Variants in WNT10A observed in about 807,000 individuals in gnomAD.
WNT10A encodes the protein Wnt family member 10A.
WNT10A carries 37 observed loss-of-function variants against 36.1 expected under a neutral mutation model. That is an observed-to-expected ratio of 1.02 (90% CI 0.79 to 1.35). The LOEUF (loss-of-function observed/expected upper bound fraction) is 1.35, where lower values mean the gene tolerates loss of function less well. Among genes scored for constraint, WNT10A ranks in the 40% most tolerant of loss-of-function variants. The pLI, the probability that WNT10A is intolerant of heterozygous loss-of-function variation, is 0.00. For missense variants in WNT10A, 613 were observed against 601.4 expected, an observed-to-expected ratio of 1.02 and a Z score of -0.20; for synonymous variants, 255 against 254.1, an observed-to-expected ratio of 1.00 and a Z score of -0.03.
upstream of WNT10A, chr2:218,880,721 C>T (rs1944500677): frequency 7.4e-6 from 3 of 407,530 alleles, no homozygotes; most frequent in East Asian, 9.4e-5. The surrounding 1 kb of genome is among the most constrained non-coding windows in gnomAD (Gnocchi z 7.7). Context: ...CGGGAGTTGT[C>T]GCGGGGGGGC....
At position 218,892,955 on chromosome 2, in the gene WNT10A, G is replaced by A; in HGVS notation, c.938G>A (p.Gly313Asp). 6.9e-7 allele frequency: 1 copy of A among 1,444,330 alleles called. No homozygotes were observed. Among genetic ancestry groups the A allele is most frequent in the Non-Finnish European group, 9.1e-7 (1 of 1,104,710 alleles). 89.5% of individuals were successfully genotyped at this position (1,444,330 alleles called of 1,614,324 possible). The change falls in exon 4 of 4, where the codon GGC becomes GAC. Residue 313 changes from glycine (G) to aspartate (D), a missense_variant. Physicochemically the swap from Gly to Asp is moderately conservative, Grantham distance 94 (BLOSUM62 -1). Transcript: ENST00000258411. Reference protein sequence around the residue: ...HNRNGGQLEPGPAGAPSPAPG... With the variant: ...HNRNGGQLEPDPAGAPSPAPG... ...CGCAACGGCGGCCAGCTGGAGCCGG[G>A]CCCAGCGGGGGCACCCTCGCCGGCT...
At chr2:218,891,731 GCA>G (rs1944652991) in intron 3 of WNT10A, among the ~76,000 whole-genome samples, 1 of 152,224 alleles carries the variant, frequency 6.6e-6, no homozygotes, top group Non-Finnish European at 1.5e-5. Context: ...GGTGCTGACA[GCA>G]CAGGCTGCGC....
chr2:218,883,188 G>A (rs1421035564), intron 2 of WNT10A, among the ~76,000 whole-genome samples: 1 of 152,128 alleles, frequency 6.6e-6, no homozygotes, highest in East Asian at 1.9e-4. Flanking sequence ...CTCCTGGCCT[G>A]GTATCTCAGG....
chr2:218,890,267 CG>C lies in WNT10A; in HGVS notation c.664del (p.Glu222SerfsTer21). 6.2e-7 allele frequency: 1 copy of C among 1,612,050 alleles called. No homozygotes were observed. The highest frequency in any genetic ancestry group is 1.1e-5 in the South Asian group (1 of 91,082). On this transcript the variant is annotated frameshift_variant, in exon 3 of 4. Transcript: ENST00000258411. LOFTEE classifies it high-confidence loss of function. ...WGGCSPDMGF[G>X]ERFSKDFLDS... ...GCGGCTGCAGCCCCGACATGGGCTTCGGGGAGCGCTTTTCTAAGGACTTTCT... is the reference window on the plus strand; with the variant it reads ...GCGGCTGCAGCCCCGACATGGGCTTCGGGAGCGCTTTTCTAAGGACTTTCT...
chr2:218,890,699 C>T (rs1288439200), intron 3 of WNT10A, among the ~76,000 whole-genome samples: 1 of 152,136 alleles, frequency 6.6e-6, no homozygotes, highest in African/African-American at 2.4e-5. Context: ...CTGGAGCTCC[C>T]ATCTGACTCC....
chr2:218,891,883 G>A (rs1240279121), intron 3 of WNT10A, among the ~76,000 whole-genome samples: 1 of 152,178 alleles, frequency 6.6e-6, no homozygotes, highest in African/African-American at 2.4e-5. Context: ...GAAAGGAGGG[G>A]ATGTGGCCAA....
At chr2:218,874,843 G>A in the WNT10A span, among the ~76,000 whole-genome samples, 3 of 152,138 alleles carry the variant, frequency 2.0e-5, no homozygotes, top group Admixed American at 1.3e-4. Flanking sequence ...AAGGGATTTC[G>A]CTCTGTTTCA....
chr2:218,892,231 G>A (rs1216674578), intron 3 of WNT10A, among the ~76,000 whole-genome samples: 4 of 151,744 alleles, frequency 2.6e-5, no homozygotes, highest in Non-Finnish European at 4.4e-5. Flanking sequence ...TGTAGGGGGA[G>A]CTGGAGAGGG....
rs1186983054 is a variant in WNT10A at position 218,893,179 on chromosome 2, C to T, written c.1162C>T (p.Arg388Cys). Residue 388 changes from arginine (R) to cysteine (C), a missense_variant, in exon 4 of 4, where the codon CGC (arginine) becomes TGC (cysteine). Coordinates refer to ENST00000258411, the MANE Select transcript of WNT10A (RefSeq NM_025216.3). The surrounding 1 kb of genome is among the most constrained non-coding windows in gnomAD (Gnocchi z 6.3). ...CGGCCACAACATCCTGCGCCAGACG[C>T]GCAGCGAGCGCTGCCACTGCCGCTT... is the stretch of plus-strand genomic sequence containing the variant. ...GRGHNILRQTRSERCHCRFHW... is the reference protein window; with the variant it reads ...GRGHNILRQTCSERCHCRFHW... 5.7e-6 allele frequency: 9 copies of T among 1,581,058 alleles called. No individual in the cohort carries two copies. Among genetic ancestry groups the T allele is most frequent in the Middle Eastern group, 1.7e-4 (1 of 5,796 alleles).
chr2:218,888,383 G>A (rs1238142322), intron 2 of WNT10A, among the ~76,000 whole-genome samples: 1 of 152,254 alleles, frequency 6.6e-6, no homozygotes, highest in Non-Finnish European at 1.5e-5. Context: ...CACCAAGAAG[G>A]AAGGCAGTGT....
In WNT10A at chr2:218,882,366, T is replaced by A. The variant is rs377510918; in HGVS notation, c.319T>A (p.Cys107Ser). 2.5e-6 allele frequency: 4 copies of A among 1,614,052 alleles called. No homozygotes were observed. Among genetic ancestry groups the A allele is most frequent in the Non-Finnish European group, 3.4e-6 (4 of 1,180,016 alleles). Residue 107 changes from cysteine (C) to serine (S), a missense_variant, in exon 2 of 4, where the codon TGC (cysteine) becomes AGC (serine). Transcript: ENST00000258411. ...CCAATTCAGGGACCAGCGCTGGAAC[T>A]GCTCAAGCCTGGAGACTCGCAACAA... is the stretch of plus-strand genomic sequence containing the variant. ...QHQFRDQRWN[C>S]SSLETRNKIP...
rs1269832352 is a variant in WNT10A, at chr2:218,888,020, A to T, written c.377-1964A>T. ...AAACTGGTTTCAGGAATTAGTTCTT[A>T]ACTACTAAACAGCTTGTTCTGTTTC... On this transcript the variant is annotated intron_variant, in intron 2 of 3. Coordinates refer to ENST00000258411, the MANE Select transcript of WNT10A (RefSeq NM_025216.3). Among the ~76,000 whole-genome samples the T allele has an allele frequency of 2.0e-5, 3 of 152,334 alleles. No individual in the cohort carries two copies. In the East Asian group the frequency reaches 5.8e-4, roughly 29 times the overall value.
upstream of WNT10A, among the ~76,000 whole-genome samples, chr2:218,877,207 G>A (rs1236308135): frequency 1.3e-5 from 2 of 152,230 alleles, no homozygotes; most frequent in African/African-American, 2.4e-5. The surrounding 1 kb of genome is among the most constrained non-coding windows in gnomAD (Gnocchi z 4.1). Flanking sequence ...GGTCAAGTCA[G>A]TTAACCTATC....
rs1198581727 is a variant in WNT10A at position 218,890,263 on chromosome 2, G to A, written c.656G>A (p.Gly219Asp). Reference sequence around the variant, plus strand: ...TGGGGCGGCTGCAGCCCCGACATGGGCTTCGGGGAGCGCTTTTCTAAGGAC... The same window carrying A: ...TGGGGCGGCTGCAGCCCCGACATGGACTTCGGGGAGCGCTTTTCTAAGGAC... ...WEWGGCSPDM[G>D]FGERFSKDFL... Residue 219 changes from glycine (G) to aspartate (D), a missense_variant, in exon 3 of 4, where the codon GGC becomes GAC. Physicochemically the swap from Gly to Asp is moderately conservative, Grantham distance 94. Coordinates refer to ENST00000258411, the MANE Select transcript of WNT10A (RefSeq NM_025216.3). The A allele has an allele frequency of 2.5e-6, 4 of 1,612,316 alleles. No individual in the cohort carries two copies. Among genetic ancestry groups the A allele is most frequent in the East Asian group, 4.5e-5 (2 of 44,880 alleles).
chr2:218,892,720 G>A, intron 3 of WNT10A, 54 bp from the exon 4 acceptor site: 1 of 1,549,466 alleles, frequency 6.5e-7, no homozygotes, highest in Non-Finnish European at 8.7e-7. Context: ...CTAAGCGCTG[G>A]GAGGGGAGTG....
chr2:218,885,751 G>A (rs1944570536), intron 2 of WNT10A, among the ~76,000 whole-genome samples: 1 of 152,166 alleles, frequency 6.6e-6, no homozygotes, highest in Non-Finnish European at 1.5e-5. Context: ...TATCCTCTTG[G>A]TTTTATGCCT....
rs758769542 is a variant in WNT10A, at chr2:218,882,167, A to C, written c.120A>C (p.Ala40=). 1.2e-6 allele frequency: 2 copies of C among 1,613,960 alleles called. No homozygotes were observed. The highest frequency in any genetic ancestry group is 1.7e-6 in the Non-Finnish European group (2 of 1,179,946). Reference sequence around the variant, plus strand: ...CCACCCCATATGTCTGCAGGTCAGCACCCAATGACATTCTGGACCTCCGCC... The same window carrying C: ...CCACCCCATATGTCTGCAGGTCAGCCCCCAATGACATTCTGGACCTCCGCC... ...LLLAAAMPRS[A]PNDILDLRLP... The change falls in exon 2 of 4, where the codon GCA becomes GCC. Residue 40 remains alanine (A), a synonymous_variant. Coordinates refer to ENST00000258411, the MANE Select transcript of WNT10A (RefSeq NM_025216.3).
chr2:218,885,470 G>T (rs895811615), intron 2 of WNT10A, among the ~76,000 whole-genome samples: 11 of 152,210 alleles, frequency 7.2e-5, no homozygotes, highest in African/African-American at 2.4e-4. Context: ...GCTGCTGGGA[G>T]CTGGGCTCAG....
At chr2:218,877,764 C>G (rs917957148), upstream of WNT10A, among the ~76,000 whole-genome samples, 4 of 152,192 alleles carry the variant, frequency 2.6e-5, no homozygotes, top group Non-Finnish European at 4.4e-5. This position sits in a 1 kb window ranked among gnomAD's most constrained non-coding sequence, Gnocchi z 4.1. Context: ...TTTGGGGAGA[C>G]TGCAGCAGCA....
Sources: allele counts gnomAD v4.1 joint callset (sites outside exome capture counted in the v4.1 genomes callset), GRCh38; gene constraint gnomAD v4.1.1; non-coding constraint Gnocchi (gnomAD v3.1); transcripts MANE v1.5; gene names NCBI Gene and HGNC (gene_info 2026-07-23, HGNC 2026-07-21).